SPON1: variants seen among roughly 807,000 people sequenced by gnomAD.
SPON1 encodes the protein spondin-1.
SPON1 carries 52 observed loss-of-function variants against 111.7 expected under a neutral mutation model. The ratio of observed to expected loss-of-function variants is 0.47; its 90% CI spans 0.37 to 0.59. The LOEUF is 0.59. SPON1 is among the 20% of genes least tolerant of loss of function. SPON1 has a pLI of 0.00. For synonymous variants in SPON1, 410 were observed against 395.8 expected (o/e 1.04, Z -0.43); for missense variants, 957 against 1,068.5 (o/e 0.90, Z 1.46).
At position 14,245,726 on chromosome 11, in the gene SPON1, A is replaced by AGCCT. The variant is rs1303992193; in HGVS notation, c.890+2333_890+2336dup. On this transcript the variant is annotated intron_variant, in intron 7 of 15. Transcript: ENST00000576479. The stretch of plus-strand genomic sequence containing the variant: ...AGCTGGCTGCATGGAGGCCTTTTCT[A>AGCCT]GCCTGCTGTGAGCTCTAAGCCTTGC... Among the ~76,000 whole-genome samples, 5 of 152,262 alleles carry AGCCT rather than the reference A, an allele frequency of 3.3e-5. No individual in the cohort carries two copies. The East Asian group carries it at 9.7e-4, about 29-fold the overall frequency.
chr11:14,092,447 C>A (rs573160168), intron 5 of SPON1, among the ~76,000 whole-genome samples: 1 of 152,310 alleles, frequency 6.6e-6, no homozygotes, highest in African/African-American at 2.4e-5. Context: ...TACTCTTTGA[C>A]TAACTTGCCC....
At chr11:14,188,754 C>A (rs1448807338) in intron 6 of SPON1, among the ~76,000 whole-genome samples, 1 of 152,122 alleles carries the variant, frequency 6.6e-6, no homozygotes, top group African/African-American at 2.4e-5. Context: ...TTGGGAAAGT[C>A]CTTAATCTCT....
At chr11:14,099,038 A>C (rs972927978) in intron 5 of SPON1, among the ~76,000 whole-genome samples, 1 of 152,212 alleles carries the variant, frequency 6.6e-6, no homozygotes, top group Admixed American at 6.5e-5. Context: ...TTGAGACTTT[A>C]AAAGAATTAT....
At chr11:14,064,773 G>A (rs1195836981) in intron 3 of SPON1, among the ~76,000 whole-genome samples, 1 of 152,068 alleles carries the variant, frequency 6.6e-6, no homozygotes, top group Non-Finnish European at 1.5e-5. Context: ...TAAATGGGAT[G>A]GGTTGGCAAG....
In SPON1 at chr11:14,262,707, G is replaced by A. The variant is rs1849200803; in HGVS notation, c.1997-5G>A. Reference sequence around the variant, plus strand: ...ATACACTCATGCCCATCTGTGTCTTGCCAGCCATTGACTGTGAGCTCACCG... The same window carrying A: ...ATACACTCATGCCCATCTGTGTCTTACCAGCCATTGACTGTGAGCTCACCG... On this transcript the variant is annotated splice_polypyrimidine_tract_variant and splice_region_variant and intron_variant, in intron 14 of 15. Transcript: ENST00000576479. 1 of 1,613,796 alleles carries A rather than the reference G, an allele frequency of 6.2e-7. No individual in the cohort carries two copies. Among genetic ancestry groups the A allele is most frequent in the South Asian group, 1.1e-5 (1 of 91,062 alleles).
Position 14,266,740 on chromosome 11 carries a change from A to AAGTT in SPON1, c.*1055_*1058dup, listed in dbSNP as rs1226871816. On this transcript the variant is annotated 3_prime_UTR_variant, in exon 16 of 16. Coordinates refer to ENST00000576479, the MANE Select transcript of SPON1 (RefSeq NM_006108.4). ...ATGAAATTTTATATGCAGAGAGAAA[A>AAGTT]AGTTACCGAGACAGAAAACAAATCT... The AAGTT allele has an allele frequency of 6.6e-6, 1 of 152,154 alleles. No homozygotes were observed. The highest frequency in any genetic ancestry group is 1.5e-5 in the Non-Finnish European group (1 of 68,036). 9.4% of individuals were successfully genotyped at this position (152,154 alleles called of 1,614,324 possible).
intron 6 of SPON1, among the ~76,000 whole-genome samples, chr11:14,169,411 T>G (rs1848070143): frequency 6.6e-6 from 1 of 152,038 alleles, no homozygotes; most frequent in Non-Finnish European, 1.5e-5. Context: ...CTTTGTCAGA[T>G]GAGTAGGTTG....
chr11:14,054,825 A>G (rs12789611), intron 3 of SPON1, among the ~76,000 whole-genome samples: 35,750 of 152,178 alleles, frequency 0.23, 5,043 homozygotes, highest in South Asian at 0.33. Context: ...TCCCGCTCTT[A>G]CATATCTACC....
intron 2 of SPON1, among the ~76,000 whole-genome samples, chr11:13,986,884 G>A (rs1257603079): frequency 5.3e-5 from 8 of 152,142 alleles, no homozygotes; most frequent in African/African-American, 1.9e-4. Context: ...CCCTGCAAAG[G>A]ACATGAACTC....
rs5789825 is a variant in SPON1 at position 14,178,045 on chromosome 11, AACACACACACACACACACAC to A, written c.825+42488_825+42507del. Among the ~76,000 whole-genome samples the A allele has an allele frequency of 3.3e-3, 468 of 142,708 alleles. 2 individuals are homozygous for A. The highest frequency in any genetic ancestry group is 0.011 in the African/African-American group (427 of 39,336). The allele number at this position is 142,708 out of a possible 152,430, so 93.6% of individuals were successfully genotyped here. A position where few individuals can be genotyped will look rare whatever the true frequency, so the allele number is the denominator to read the frequency against. On this transcript the variant is annotated intron_variant, in intron 6 of 15. Transcript: ENST00000576479. ...CTCACTGTTGTAAAACACACACACA[AACACACACACACACACACAC>A]ACACACACACGCTTTGGTCTCCAGT...
At chr11:13,975,915 C>G (rs1311620535) in intron 1 of SPON1, among the ~76,000 whole-genome samples, 1 of 152,090 alleles carries the variant, frequency 6.6e-6, no homozygotes, top group East Asian at 1.9e-4. Flanking sequence ...TCTTCATCCC[C>G]AATATCACCA....
At chr11:14,190,584 T>C (rs1417047184) in intron 6 of SPON1, among the ~76,000 whole-genome samples, 1 of 151,498 alleles carries the variant, frequency 6.6e-6, no homozygotes. Flanking sequence ...TTGGTTCCTT[T>C]CTTCCATCCT....
At chr11:14,119,099 G>A (rs1166851898) in intron 5 of SPON1, among the ~76,000 whole-genome samples, 3 of 152,094 alleles carry the variant, frequency 2.0e-5, no homozygotes, top group Non-Finnish European at 4.4e-5. Context: ...GGAAACAGGA[G>A]GAGCATCCCT....
At chr11:14,219,417 G>A (rs1326415933) in intron 6 of SPON1, among the ~76,000 whole-genome samples, 5 of 152,174 alleles carry the variant, frequency 3.3e-5, no homozygotes, top group Non-Finnish European at 7.3e-5. Context: ...CCATAATGAG[G>A]AGAGCAGGTA....
chr11:14,018,469 C>T (rs1211654046), intron 2 of SPON1, among the ~76,000 whole-genome samples: 1 of 152,068 alleles, frequency 6.6e-6, no homozygotes, highest in African/African-American at 2.4e-5. Context: ...GAGAGACCAA[C>T]GGAGGGGCAG....
chr11:13,975,790 T>A (rs1315239366), intron 1 of SPON1, among the ~76,000 whole-genome samples: 1 of 152,132 alleles, frequency 6.6e-6, no homozygotes, highest in Admixed American at 6.5e-5. Flanking sequence ...CTACTAGAGT[T>A]TTTCTTTGGA....
chr11:14,245,407 C>T (rs1848978147), intron 7 of SPON1, among the ~76,000 whole-genome samples: 1 of 152,170 alleles, frequency 6.6e-6, no homozygotes, highest in Non-Finnish European at 1.5e-5. Context: ...CCAGGTTTTC[C>T]CTTTGCACAA....
At chr11:14,224,031 C>A (rs1848710466) in intron 6 of SPON1, among the ~76,000 whole-genome samples, 1 of 152,152 alleles carries the variant, frequency 6.6e-6, no homozygotes, top group Non-Finnish European at 1.5e-5. Flanking sequence ...ATAAGCAAAT[C>A]AAATTTTGAT....
chr11:14,147,040 T>G (rs1293531321), intron 6 of SPON1, among the ~76,000 whole-genome samples: 1 of 134,712 alleles, frequency 7.4e-6, no homozygotes, highest in Non-Finnish European at 1.6e-5. Context: ...TTTTTTTTTT[T>G]TTTTTTTGAG....
Sources: allele counts gnomAD v4.1 joint callset (sites outside exome capture counted in the v4.1 genomes callset), GRCh38; gene constraint gnomAD v4.1.1; transcripts MANE v1.5; gene names NCBI Gene and HGNC (gene_info 2026-07-23, HGNC 2026-07-21).